The following NBEA variants were observed in gnomAD, a reference collection of about 807,000 sequenced individuals.
NBEA encodes the protein neurobeachin.
Under a neutral mutation model 343.4 loss-of-function variants are expected in NBEA, and 44 were observed. The ratio of observed to expected loss-of-function variants is 0.13; its 90% CI spans 0.10 to 0.16. NBEA has a LOEUF of 0.16. NBEA is among the 10% of genes least tolerant of loss of function. NBEA has a pLI of 1.00. For missense variants in NBEA, 2,555 were observed against 3,631.3 expected (o/e 0.70, Z 7.62); for synonymous variants, 1,175 against 1,238.7 (o/e 0.95, Z 1.08).
chr13:35,497,033 A>G (rs2076708174), intron 41 of NBEA, among the ~76,000 whole-genome samples: 1 of 152,116 alleles, frequency 6.6e-6, no homozygotes, highest in African/African-American at 2.4e-5. Context: ...ACTGTGAATT[A>G]CGCAAATAGC....
intron 39 of NBEA, among the ~76,000 whole-genome samples, chr13:35,441,027 A>C (rs2045710769): frequency 6.6e-6 from 1 of 152,208 alleles, no homozygotes; most frequent in South Asian, 2.1e-4. Flanking sequence ...TGTTTTAAAA[A>C]GTGCTTTTAG....
chr13:35,472,588 G>T lies in NBEA; in HGVS notation c.6585+52G>T. On this transcript the variant is annotated intron_variant, in intron 41 of 58. Coordinates refer to ENST00000379939, the MANE Select transcript of NBEA (RefSeq NM_001385012.1). ...TATTGGTGGCTTTGTGGCAGGAAGT[G>T]GTTTTCAATTTTGTTTGGTTTTACC... 1.9e-6 allele frequency: 3 copies of T among 1,610,390 alleles called. No homozygotes were observed. In the East Asian group the frequency reaches 6.7e-5, roughly 36 times the overall value.
chr13:35,421,143 C>G (rs2152923477), intron 38 of NBEA, among the ~76,000 whole-genome samples: 1 of 151,976 alleles, frequency 6.6e-6, no homozygotes, highest in Admixed American at 6.6e-5. Flanking sequence ...CCTCTCAGTT[C>G]TACTTTACTT....
chr13:35,480,058 G>GAAAAAAAAAAAAAA (rs35107997), intron 41 of NBEA, among the ~76,000 whole-genome samples: 1 of 136,368 alleles, frequency 7.3e-6, no homozygotes. Flanking sequence ...TACCAGTTAG[G>GAAAAAAAAAAAAAA]AAAAAAAAAA....
chr13:35,064,678 A>G (rs2063586137), intron 8 of NBEA, among the ~76,000 whole-genome samples: 1 of 151,948 alleles, frequency 6.6e-6, no homozygotes, highest in Admixed American at 6.6e-5. Flanking sequence ...TAAAGAGGTA[A>G]TTAAGGTTAA....
At chr13:35,660,446 T>G (rs2085035350) in intron 55 of NBEA, among the ~76,000 whole-genome samples, 1 of 152,216 alleles carries the variant, frequency 6.6e-6, no homozygotes, top group Non-Finnish European at 1.5e-5. Context: ...TATAACACAT[T>G]GTTATTATGC....
intron 35 of NBEA, among the ~76,000 whole-genome samples, chr13:35,306,920 T>C (rs2036927840): frequency 6.6e-6 from 1 of 152,054 alleles, no homozygotes. Context: ...TAGGAGACTT[T>C]GCCCAATGTT....
intron 41 of NBEA, among the ~76,000 whole-genome samples, chr13:35,542,674 A>G (rs1459651329): frequency 6.6e-6 from 1 of 152,118 alleles, no homozygotes; most frequent in Non-Finnish European, 1.5e-5. Flanking sequence ...CACATTGCAC[A>G]TGTTTAAATT....
In NBEA at chr13:35,187,116, T is replaced by A. The variant is rs561014465; in HGVS notation, c.4927+3045T>A. Among the ~76,000 whole-genome samples, 52 of 152,244 alleles carry A rather than the reference T, an allele frequency of 3.4e-4. 1 individual carries two copies. The South Asian group carries it at 0.01, about 30-fold the overall frequency. Reference sequence around the variant, plus strand: ...AATTGGTAAATAAAATTTCATATTTTATTTTCTAAATGTGTCAGCGAATGA... The same window carrying A: ...AATTGGTAAATAAAATTTCATATTTAATTTTCTAAATGTGTCAGCGAATGA... On this transcript the variant is annotated intron_variant, in intron 30 of 58. Transcript: ENST00000379939.
At chr13:34,992,546 A>G (rs1383599220) in intron 1 of NBEA, among the ~76,000 whole-genome samples, 1 of 151,608 alleles carries the variant, frequency 6.6e-6, no homozygotes, top group Non-Finnish European at 1.5e-5. Flanking sequence ...ATGGGGAGAA[A>G]AGGAGCTAGG....
chr13:35,434,565 G>C (rs1051821579), intron 39 of NBEA, among the ~76,000 whole-genome samples: 1 of 152,160 alleles, frequency 6.6e-6, no homozygotes. Flanking sequence ...AGGTCAGGGA[G>C]TGGAAGACTA....
At chr13:35,497,030 A>G (rs1280971113) in intron 41 of NBEA, among the ~76,000 whole-genome samples, 1 of 152,096 alleles carries the variant, frequency 6.6e-6, no homozygotes. Flanking sequence ...AGCACTGTGA[A>G]TTACGCAAAT....
chr13:35,360,101 A>G (rs775135736), intron 38 of NBEA, among the ~76,000 whole-genome samples: 9 of 152,024 alleles, frequency 5.9e-5, no homozygotes, highest in Non-Finnish European at 1.2e-4. Flanking sequence ...TAATAGAGAC[A>G]GGAGCAGGAT....
At chr13:34,998,812 G>A (rs890854231) in intron 1 of NBEA, among the ~76,000 whole-genome samples, 1 of 152,030 alleles carries the variant, frequency 6.6e-6, no homozygotes, top group East Asian at 1.9e-4. Flanking sequence ...GTCCTGAGGC[G>A]ACATACATCC....
intron 3 of NBEA, 22 bp downstream of exon 3, chr13:35,045,069 A>G (rs1449136999): frequency 1.9e-5 from 30 of 1,576,280 alleles, no homozygotes; most frequent in Non-Finnish European, 2.4e-5. Context: ...TCGGAGGGAA[A>G]GGTATTCAGT....
chr13:35,428,283 A>G (rs957489689), intron 38 of NBEA, among the ~76,000 whole-genome samples: 2 of 146,634 alleles, frequency 1.4e-5, no homozygotes, highest in Non-Finnish European at 3.0e-5. Flanking sequence ...CTCCTCCCCC[A>G]CCCGCCATTA....
At chr13:35,410,933 G>A (rs1182285105) in intron 38 of NBEA, among the ~76,000 whole-genome samples, 2 of 151,998 alleles carry the variant, frequency 1.3e-5, no homozygotes, top group African/African-American at 4.8e-5. Flanking sequence ...AAGCTTTAGC[G>A]GACTTTCTCA....
At chr13:35,339,016 C>T (rs769524910) in intron 36 of NBEA, among the ~76,000 whole-genome samples, 1 of 151,882 alleles carries the variant, frequency 6.6e-6, no homozygotes, top group African/African-American at 2.4e-5. Flanking sequence ...GTGAGATTTA[C>T]AAAACAAAAC....
chr13:35,112,789 ATTT>A (rs968428021), intron 13 of NBEA, among the ~76,000 whole-genome samples: 1 of 151,780 alleles, frequency 6.6e-6, no homozygotes, highest in Non-Finnish European at 1.5e-5. Flanking sequence ...ATATATACAC[ATTT>A]TTTTTCTGAT....
Sources: gnomAD v4.1 joint callset for allele counts (sites outside exome capture counted in the v4.1 genomes callset) on GRCh38, gnomAD v4.1.1 for gene constraint, MANE v1.5 for transcripts, NCBI Gene and HGNC (gene_info 2026-07-23, HGNC 2026-07-21) for gene names.